MACROD2: variants seen among roughly 807,000 people sequenced by gnomAD.
The protein encoded by MACROD2 is ADP-ribose glycohydrolase MACROD2.
A neutral mutation model predicts 70.4 loss-of-function variants in MACROD2; 36 were observed. That is an observed-to-expected ratio of 0.51 (90% confidence interval 0.39 to 0.68). The LOEUF (loss-of-function observed/expected upper bound fraction) is 0.68, where lower values mean the gene tolerates loss of function less well. Among genes scored for constraint, MACROD2 ranks in the 30% least tolerant of loss-of-function variants. The probability of loss-of-function intolerance (pLI) is 0.00; values close to 1 mark genes in which losing one functional copy is unlikely to be tolerated. For missense variants in MACROD2, 496 were observed against 538.4 expected, an observed-to-expected ratio of 0.92 and a Z score of 0.78; for synonymous variants, 172 against 178.8, an observed-to-expected ratio of 0.96 and a Z score of 0.30.
At chr20:14,396,497 C>T (rs1471745772) in intron 3 of MACROD2, among the ~76,000 whole-genome samples, 1 of 152,144 alleles carries the variant, frequency 6.6e-6, no homozygotes, top group Non-Finnish European at 1.5e-5. Flanking sequence ...TCTCTGGAAT[C>T]TACTTTTATA....
chr20:14,733,690 C>T (rs943276800), intron 5 of MACROD2, among the ~76,000 whole-genome samples: 2 of 152,144 alleles, frequency 1.3e-5, no homozygotes, highest in Admixed American at 6.5e-5. Flanking sequence ...TTGGAATAAA[C>T]AATGAACCTG....
At chr20:14,383,241 A>G (rs2083439820) in intron 3 of MACROD2, among the ~76,000 whole-genome samples, 1 of 152,112 alleles carries the variant, frequency 6.6e-6, no homozygotes, top group Non-Finnish European at 1.5e-5. Flanking sequence ...TATAGAAGCA[A>G]TCTCTACATC....
intron 5 of MACROD2, among the ~76,000 whole-genome samples, chr20:15,049,887 G>T (rs2075425324): frequency 6.6e-6 from 1 of 151,634 alleles, no homozygotes; most frequent in South Asian, 2.1e-4. Context: ...GGCGGAGGCT[G>T]CAGTAAGCCA....
intron 6 of MACROD2, among the ~76,000 whole-genome samples, chr20:15,239,474 A>T (rs1459635985): frequency 6.6e-6 from 1 of 152,134 alleles, no homozygotes; most frequent in Non-Finnish European, 1.5e-5. Flanking sequence ...TACCCTTCAA[A>T]ACTGTGCAAA....
intron 7 of MACROD2, among the ~76,000 whole-genome samples, chr20:15,465,246 C>A (rs1051734757): frequency 2.0e-5 from 3 of 152,170 alleles, no homozygotes; most frequent in Non-Finnish European, 2.9e-5. Context: ...AGTATAAATG[C>A]TATTTTTTTA....
intron 5 of MACROD2, chr20:14,934,056 A>T (rs1191520304): frequency 6.6e-6 from 1 of 152,162 alleles, no homozygotes; most frequent in South Asian, 2.1e-4. Flanking sequence ...TAGAACCGGG[A>T]CTTAATTCCA....
intron 4 of MACROD2, among the ~76,000 whole-genome samples, chr20:14,499,808 C>T (rs1047323841): frequency 2.0e-5 from 3 of 151,984 alleles, no homozygotes; most frequent in Admixed American, 6.6e-5. Flanking sequence ...TCCCTCCTTC[C>T]TTCCTTCTTT....
intron 12 of MACROD2, among the ~76,000 whole-genome samples, chr20:15,967,280 G>C (rs1051737470): frequency 6.6e-6 from 1 of 151,944 alleles, no homozygotes; most frequent in African/African-American, 2.4e-5. Flanking sequence ...GACTTTCCCT[G>C]ATGCAAAAAG....
intron 3 of MACROD2, among the ~76,000 whole-genome samples, chr20:14,168,326 A>G (rs1186211034): frequency 1.3e-5 from 2 of 152,238 alleles, no homozygotes; most frequent in Non-Finnish European, 2.9e-5. Context: ...TTGTTGCAGC[A>G]TTGGAAGGAG....
intron 5 of MACROD2, among the ~76,000 whole-genome samples, chr20:15,116,200 C>T (rs1475988984): frequency 1.3e-5 from 2 of 152,170 alleles, no homozygotes; most frequent in African/African-American, 4.8e-5. Context: ...CACCTGTTCA[C>T]ACTGTGTGTG....
chr20:15,573,330 TC>T (rs2048400315), intron 8 of MACROD2, among the ~76,000 whole-genome samples: 1 of 152,180 alleles, frequency 6.6e-6, no homozygotes, highest in Admixed American at 6.6e-5. Flanking sequence ...TTTTGCTTTT[TC>T]CCCTGAGAAT....
intron 2 of MACROD2, among the ~76,000 whole-genome samples, chr20:14,014,967 ATTTT>A (rs61499812): frequency 3.5e-5 from 4 of 113,214 alleles, no homozygotes; most frequent in Non-Finnish European, 3.6e-5. Flanking sequence ...TGCCCAGCAA[ATTTT>A]TTTTTTTTTT....
At chr20:15,569,822 C>T (rs76228496) in intron 8 of MACROD2, among the ~76,000 whole-genome samples, 4,800 of 152,198 alleles carry the variant, frequency 0.032, 241 homozygotes, top group African/African-American at 0.11. Context: ...ACAGGATTTC[C>T]TTCTTGTATG....
chr20:15,025,982 T>G (rs925702106), intron 5 of MACROD2, among the ~76,000 whole-genome samples: 11 of 152,196 alleles, frequency 7.2e-5, no homozygotes, highest in African/African-American at 2.7e-4. Context: ...GCATGCTCTG[T>G]TTCTATGTTC....
chr20:14,069,097 C>T (rs1407312569), intron 2 of MACROD2, among the ~76,000 whole-genome samples: 3 of 151,992 alleles, frequency 2.0e-5, no homozygotes, highest in South Asian at 2.1e-4. Flanking sequence ...TACAGGCCCC[C>T]GCCATCGTGC....
intron 3 of MACROD2, among the ~76,000 whole-genome samples, chr20:14,155,852 T>TAAC (rs1332517317): frequency 5.8e-4 from 89 of 152,288 alleles, no homozygotes; most frequent in African/African-American, 2.0e-3. Context: ...TAAATATCAG[T>TAAC]TTTTAATTTA....
chr20:15,877,487 T>C (rs1405768561), intron 9 of MACROD2, among the ~76,000 whole-genome samples: 1 of 152,144 alleles, frequency 6.6e-6, no homozygotes, highest in Non-Finnish European at 1.5e-5. Context: ...AAATTTCTCC[T>C]GGCTTTATCA....
chr20:14,147,141 T>C (rs1013753704), intron 3 of MACROD2, among the ~76,000 whole-genome samples: 2 of 152,298 alleles, frequency 1.3e-5, no homozygotes, highest in East Asian at 3.9e-4. Context: ...TCAGGTGTTA[T>C]CACATTGAAT....
At chr20:14,461,314 C>G (rs1050725556) in intron 3 of MACROD2, among the ~76,000 whole-genome samples, 1 of 151,886 alleles carries the variant, frequency 6.6e-6, no homozygotes, top group African/African-American at 2.4e-5. Flanking sequence ...ATTCTTCTGT[C>G]TTTTCTTCTT....
Sources: allele counts gnomAD v4.1 joint callset (sites outside exome capture counted in the v4.1 genomes callset), GRCh38; gene constraint gnomAD v4.1.1; transcripts MANE v1.5; gene names NCBI Gene and HGNC (gene_info 2026-07-23, HGNC 2026-07-21).